Variants in CCDC175 observed in about 807,000 individuals in gnomAD.
CCDC175 encodes the protein coiled-coil domain-containing protein 175.
In CCDC175, 100 loss-of-function variants were observed where a neutral mutation model predicts 114.6. That is an observed-to-expected ratio of 0.87 (90% CI 0.74 to 1.03). The LOEUF (loss-of-function observed/expected upper bound fraction) is 1.03, where lower values mean the gene tolerates loss of function less well. CCDC175 is among the 50% of genes least tolerant of loss of function. The probability of loss-of-function intolerance (pLI) is 0.00; values close to 1 mark genes in which losing one functional copy is unlikely to be tolerated. For synonymous variants in CCDC175, 306 were observed against 308.7 expected (o/e 0.99, Z 0.09); for missense variants, 880 against 917.8 (o/e 0.96, Z 0.53).
At chr14:59,566,900 C>T (rs1159027666) in intron 4 of CCDC175, among the ~76,000 whole-genome samples, 2 of 152,172 alleles carry the variant, frequency 1.3e-5, no homozygotes, top group Non-Finnish European at 2.9e-5. Flanking sequence ...AAAGATTTGT[C>T]TAGAGCAGTG....
In CCDC175 at chr14:59,511,740, C is replaced by T; in HGVS notation, c.2142+20G>A. 2 of 1,531,246 alleles carry T rather than the reference C, an allele frequency of 1.3e-6. No homozygotes were observed. The highest frequency in any genetic ancestry group is 1.8e-6 in the Non-Finnish European group (2 of 1,141,660). The allele number at this position is 1,531,246 out of a possible 1,614,324, so 94.9% of individuals were successfully genotyped here. A position where few individuals can be genotyped will look rare whatever the true frequency, so the allele number is the denominator to read the frequency against. On this transcript the variant is annotated intron_variant, in intron 18 of 19. Transcript: ENST00000537690. ...AAATATGATATTTATATGGAGGCAA[C>T]AGACACACGCAAAACTCACCTTAAC... is the stretch of plus-strand genomic sequence containing the variant.
At chr14:59,541,654 C>T (rs372792901) in intron 10 of CCDC175, among the ~76,000 whole-genome samples, 1 of 152,108 alleles carries the variant, frequency 6.6e-6, no homozygotes, top group African/African-American at 2.4e-5. Context: ...ACAATTCACC[C>T]CAACCTTACT....
At chr14:59,544,530 C>T (rs1033161329) in intron 9 of CCDC175, among the ~76,000 whole-genome samples, 1 of 152,042 alleles carries the variant, frequency 6.6e-6, no homozygotes, top group Admixed American at 6.6e-5. Flanking sequence ...TTGTGCCTCC[C>T]CCATCTCCAG....
chr14:59,575,226 C>G (rs997991495), intron 1 of CCDC175, among the ~76,000 whole-genome samples, 198 bp from the exon 2 acceptor site: 5 of 152,134 alleles, frequency 3.3e-5, no homozygotes, highest in Non-Finnish European at 7.4e-5. Context: ...ATTTTATGCT[C>G]CTTGAGGACA....
intron 6 of CCDC175, among the ~76,000 whole-genome samples, chr14:59,563,124 T>C (rs988284642): frequency 6.6e-6 from 1 of 152,196 alleles, no homozygotes; most frequent in Non-Finnish European, 1.5e-5. Flanking sequence ...AACATACAAG[T>C]AGTATTTACA....
At chr14:59,571,498 A>G (rs921940588) in intron 3 of CCDC175, among the ~76,000 whole-genome samples, 6 of 152,238 alleles carry the variant, frequency 3.9e-5, no homozygotes. Flanking sequence ...ATGGCCAATG[A>G]GCAGACAAAA....
chr14:59,545,375 C>T, intron 8 of CCDC175, 76 bp from the exon 9 acceptor site: 4 of 1,350,972 alleles, frequency 3.0e-6, no homozygotes, highest in Non-Finnish European at 4.0e-6. Context: ...CAGGTGGCAA[C>T]TCGGAGAGCA....
chr14:59,539,607 T>A (rs1035181507), intron 11 of CCDC175, among the ~76,000 whole-genome samples: 1 of 149,472 alleles, frequency 6.7e-6, no homozygotes, highest in African/African-American at 2.5e-5. Flanking sequence ...TTAGAGTCTT[T>A]AAGTGCACAT....
Position 59,538,114 on chromosome 14 carries a change from T to C in CCDC175, c.1532A>G (p.Gln511Arg). The change falls in exon 13 of 20, where the codon CAG becomes CGG. Residue 511 changes from glutamine (Q) to arginine (R), a missense_variant. Physicochemically the swap from Gln to Arg is conservative, Grantham distance 43 (BLOSUM62 1). Coordinates refer to ENST00000537690, the MANE Select transcript of CCDC175 (RefSeq NM_001164399.2). ...RQQEISGFVA[Q>R]IEKLTTELKE... Reference sequence around the variant, plus strand: ...TAATTCTGTTGTAAGTTTTTCAATCTGTGCCACAAATCCACTGATCTCCTG... The same window carrying C: ...TAATTCTGTTGTAAGTTTTTCAATCCGTGCCACAAATCCACTGATCTCCTG... 1 of 1,534,738 alleles carries C rather than the reference T, an allele frequency of 6.5e-7. No individual in the cohort carries two copies. Among genetic ancestry groups the C allele is most frequent in the Non-Finnish European group, 8.7e-7 (1 of 1,144,674 alleles).
At position 59,525,397 on chromosome 14, in the gene CCDC175, T is replaced by TG; in HGVS notation, c.1879dup (p.Gln627ProfsTer11). 1 of 1,516,052 alleles carries TG rather than the reference T, an allele frequency of 6.6e-7. No individual in the cohort carries two copies. The highest frequency in any genetic ancestry group is 8.8e-7 in the Non-Finnish European group (1 of 1,141,328). The allele number at this position is 1,516,052 out of a possible 1,614,324, so 93.9% of individuals were successfully genotyped here. Reference sequence around the variant, plus strand: ...ATGATCTTTGTTTTTTTTGCTTTCTTGATCTCGTAATTGTTGTAATTCTTG... The same window carrying TG: ...ATGATCTTTGTTTTTTTTGCTTTCTTGGATCTCGTAATTGTTGTAATTCTTG... On this transcript the variant is annotated frameshift_variant, in exon 16 of 20. Transcript: ENST00000537690. LOFTEE classifies it high-confidence loss of function.
In CCDC175 at chr14:59,576,487, G is replaced by A; in HGVS notation, c.157+132C>T. On this transcript the variant is annotated intron_variant, in intron 1 of 19. Transcript: ENST00000537690. ...CTCTCTCCCCAGCCTCCAAGGAGCG[G>A]GGAGAAGGCTCTGCCCTGCCCAGTG... 6.0e-6 allele frequency: 5 copies of A among 833,738 alleles called. No individual in the cohort carries two copies. The South Asian group carries it at 1.4e-4, about 24-fold the overall frequency. The allele number at this position is 833,738 out of a possible 1,614,324, so 51.6% of individuals were successfully genotyped here.
At chr14:59,559,646 T>C (rs1896118476) in intron 7 of CCDC175, among the ~76,000 whole-genome samples, 1 of 152,144 alleles carries the variant, frequency 6.6e-6, no homozygotes. Flanking sequence ...AGGTTGCCTC[T>C]CCCTATCTTC....
Position 59,510,780 on chromosome 14 carries a change from A to G in CCDC175, c.2171T>C (p.Leu724Ser), listed in dbSNP as rs1303382342. 6.5e-7 allele frequency: 1 copy of G among 1,537,422 alleles called. No individual in the cohort carries two copies. The highest frequency in any genetic ancestry group is 1.4e-5 in the African/African-American group (1 of 73,148). ...GTCTGTTAGATTGTTTATGTCTTGC[A>G]AGGTCTCTTCACCATTGTCCACCAA... ...KILVDNGEET[L>S]QDINNLTDKL... is the part of the protein sequence containing the mutation. Residue 724 changes from leucine to serine, a missense_variant, in exon 19 of 20, where the codon TTG (leucine) becomes TCG (serine). Transcript: ENST00000537690.
chr14:59,509,115 C>T (rs1041099061), intron 19 of CCDC175, among the ~76,000 whole-genome samples: 45 of 152,278 alleles, frequency 3.0e-4, no homozygotes, highest in Non-Finnish European at 5.1e-4. Flanking sequence ...GAAACTTTCT[C>T]TAAGAGTCTA....
rs1324936111 is a variant in CCDC175, at chr14:59,564,915, G to C, written c.720+132C>G. On this transcript the variant is annotated intron_variant, in intron 5 of 19. Transcript: ENST00000537690. ...TGTCCTTGAGTCTCCCGCTCATCCCGTTTTCCCAGCGCGTTCACAGAAGAT... is the reference window on the plus strand; with the variant it reads ...TGTCCTTGAGTCTCCCGCTCATCCCCTTTTCCCAGCGCGTTCACAGAAGAT... The C allele has an allele frequency of 3.6e-5, 24 of 670,232 alleles. No individual in the cohort carries two copies. The East Asian group carries it at 6.5e-4, about 18-fold the overall frequency. 41.5% of individuals were successfully genotyped at this position (670,232 alleles called of 1,614,324 possible). A position where few individuals can be genotyped will look rare whatever the true frequency, so the allele number is the denominator to read the frequency against.
intron 1 of CCDC175, among the ~76,000 whole-genome samples, chr14:59,575,421 T>C (rs552619129): frequency 2.0e-4 from 31 of 152,314 alleles, no homozygotes; most frequent in Middle Eastern, 3.4e-3. Flanking sequence ...TTCAAGGTTC[T>C]AGGTCTGTCA....
rs199910571 is a variant in CCDC175, at chr14:59,510,829, G to A, written c.2143-21C>T. The stretch of plus-strand genomic sequence containing the variant: ...AAGATCTAAAGAAATGGCATTTTAG[G>A]CTGTGTCAATATAAATTGCTACAAC... On this transcript the variant is annotated intron_variant, in intron 18 of 19. Transcript: ENST00000537690. 3.2e-4 allele frequency: 483 copies of A among 1,528,530 alleles called. 3 individuals are homozygous for A. The Middle Eastern group carries it at 3.5e-3, about 11-fold the overall frequency. The allele number at this position is 1,528,530 out of a possible 1,614,324, so 94.7% of individuals were successfully genotyped here.
intron 13 of CCDC175, among the ~76,000 whole-genome samples, chr14:59,537,671 C>T (rs1281975516): frequency 1.3e-5 from 2 of 152,130 alleles, no homozygotes; most frequent in African/African-American, 4.8e-5. Context: ...CAGCATGATA[C>T]CCTCTTTTTA....
In CCDC175 at chr14:59,510,719, G is replaced by A. The variant is rs1281502971; in HGVS notation, c.2232C>T (p.Val744=). 4 of 1,537,204 alleles carry A rather than the reference G, an allele frequency of 2.6e-6. No individual in the cohort carries two copies. Among genetic ancestry groups the A allele is most frequent in the Non-Finnish European group, 3.5e-6 (4 of 1,146,864 alleles). Reference sequence around the variant, plus strand: ...CAAGACTCCCTCGTAGCCATGTACTGACATGCTGCATTTTTTCATCTCTTT... The same window carrying A: ...CAAGACTCCCTCGTAGCCATGTACTAACATGCTGCATTTTTTCATCTCTTT... ...LRERDEKMQH[V]STWLRGSLEG... Residue 744 remains valine, a synonymous_variant, in exon 19 of 20, where the codon GTC becomes GTT. Coordinates refer to ENST00000537690, the MANE Select transcript of CCDC175 (RefSeq NM_001164399.2).
Sources: allele counts gnomAD v4.1 joint callset (sites outside exome capture counted in the v4.1 genomes callset), GRCh38; gene constraint gnomAD v4.1.1; transcripts MANE v1.5; gene names NCBI Gene and HGNC (gene_info 2026-07-23, HGNC 2026-07-21).